Variants in NPR2 observed in about 807,000 individuals in gnomAD.
The protein encoded by NPR2 is natriuretic peptide receptor 2.
In NPR2, 49 loss-of-function variants were observed where a neutral mutation model predicts 120.7. The observed-to-expected ratio is 0.41, with a 90% CI of 0.32 to 0.52. The LOEUF (loss-of-function observed/expected upper bound fraction) is 0.52, where lower values mean the gene tolerates loss of function less well. Ranked by LOEUF, NPR2 falls within the 20% of genes least tolerant of loss-of-function variation. The pLI is 0.36. For synonymous variants in NPR2, 484 were observed against 519.8 expected, an observed-to-expected ratio of 0.93 and a Z score of 0.94; for missense variants, 931 against 1,362.9, an observed-to-expected ratio of 0.68 and a Z score of 4.99.
In NPR2 at chr9:35,801,908, T is replaced by C. The variant is rs766740858; in HGVS notation, c.1558-18T>C. On this transcript the variant is annotated intron_variant, in intron 8 of 21. Transcript: ENST00000342694. Reference sequence around the variant, plus strand: ...TGTTCCTTTCATCCTTCCGCCTCCATGTTGCCCTTGGCCCCAGCGGGGATC... The same window carrying C: ...TGTTCCTTTCATCCTTCCGCCTCCACGTTGCCCTTGGCCCCAGCGGGGATC... 56 of 1,613,628 alleles carry C rather than the reference T, an allele frequency of 3.5e-5. No homozygotes were observed. Among genetic ancestry groups the C allele is most frequent in the South Asian group, 1.8e-4 (16 of 91,080 alleles).
rs756198197 is a variant in NPR2 at position 35,809,561 on chromosome 9, CA to C, written c.*123del. 1.7e-5 allele frequency: 26 copies of C among 1,543,888 alleles called. No individual in the cohort carries two copies. The highest frequency in any genetic ancestry group is 2.7e-5 in the African/African-American group (2 of 73,382). Reference sequence around the variant, plus strand: ...TTTCATATGCAATGGAAAACAGCCACAAAAAAACCTACCTTATATGGAAGTT... The same window carrying C: ...TTTCATATGCAATGGAAAACAGCCACAAAAAACCTACCTTATATGGAAGTT... On this transcript the variant is annotated 3_prime_UTR_variant, in exon 22 of 22. Transcript: ENST00000342694. This position sits in a 1 kb window ranked among gnomAD's most constrained non-coding sequence, Gnocchi z 4.1.
At chr9:35,807,482 T>C in intron 18 of NPR2, 84 bp downstream of exon 18, 1 of 1,070,566 alleles carries the variant, frequency 9.3e-7, no homozygotes, top group Non-Finnish European at 1.5e-6. Flanking sequence ...CCCACACACC[T>C]TACCCACCCC....
chr9:35,808,721 T>A lies in NPR2; in HGVS notation c.2888-34T>A, dbSNP rs200268429. The A allele has an allele frequency of 3.5e-4, 565 of 1,612,550 alleles. 3 individuals carry two copies. Among genetic ancestry groups the A allele is most frequent in the Middle Eastern group, 1.2e-3 (7 of 6,058 alleles). On this transcript the variant is annotated intron_variant, in intron 19 of 21. Transcript: ENST00000342694. The surrounding 1 kb of genome is among the most constrained non-coding windows in gnomAD (Gnocchi z 4.0). ...CTCACTCCAGCCCTAGTCTCCACCTTTCCCAGACTCTCCCAACCTGTTTCT... is the reference window on the plus strand; with the variant it reads ...CTCACTCCAGCCCTAGTCTCCACCTATCCCAGACTCTCCCAACCTGTTTCT...
Position 35,793,014 on chromosome 9 carries a change from G to A in NPR2, c.606G>A (p.Val202=), listed in dbSNP as rs1827835370. The part of the protein sequence containing the change: ...QGSNLSVQHQ[V]YAREPGGPEQ... The stretch of plus-strand genomic sequence containing the variant: ...GCAACCTCAGTGTGCAGCACCAGGT[G>A]TATGCCCGAGAGCCAGGGGGCCCCG... The change falls in exon 1 of 22, where the codon GTG becomes GTA. Residue 202 remains valine, a synonymous_variant. Coordinates refer to ENST00000342694, the MANE Select transcript of NPR2 (RefSeq NM_003995.4). 8.1e-6 allele frequency: 13 copies of A among 1,610,750 alleles called. No individual in the cohort carries two copies. The highest frequency in any genetic ancestry group is 1.1e-5 in the Non-Finnish European group (13 of 1,178,274).
intron 8 of NPR2, 33 bp downstream of exon 8, chr9:35,801,796 C>T (rs1468861065): frequency 1.2e-6 from 2 of 1,613,896 alleles, no homozygotes; most frequent in African/African-American, 2.7e-5. Flanking sequence ...CCTCTGCCTC[C>T]CTCTGAGTTC....
intron 12 of NPR2, among the ~76,000 whole-genome samples, chr9:35,804,814 A>C (rs1441184545): frequency 1.6e-4 from 14 of 89,894 alleles, no homozygotes; most frequent in South Asian, 4.2e-4. Context: ...CGACCTGCCC[A>C]CCTCCCTCTA....
Position 35,806,442 on chromosome 9 carries a change from A to G in NPR2, c.2423A>G (p.Tyr808Cys). 1.2e-6 allele frequency: 2 copies of G among 1,614,098 alleles called. No individual in the cohort carries two copies. The highest frequency in any genetic ancestry group is 1.7e-6 in the Non-Finnish European group (2 of 1,179,902). Residue 808 changes from tyrosine (Y) to cysteine (C), a missense_variant, in exon 16 of 22, where the codon TAT (tyrosine) becomes TGT (cysteine). By Grantham distance (194) the Tyr-to-Cys change is radical. Coordinates refer to ENST00000342694, the MANE Select transcript of NPR2 (RefSeq NM_003995.4). This position sits in a 1 kb window ranked among gnomAD's most constrained non-coding sequence, Gnocchi z 4.6. ...LDNLLLRMEQ[Y>C]ANNLEKLVEE... is the part of the protein sequence containing the mutation. ...AACCTCCTGCTGCGCATGGAACAGT[A>G]TGCCAATAACTTGGAGAAGCTGGTG...
rs938193983 is a variant in NPR2 at position 35,791,740 on chromosome 9, A to G, written c.-669A>G. ...CGCCAGGGCCCAGGAGAAGCGGAGC[A>G]GAGAGGAGCGGGGACACGGGCGGGG... On this transcript the variant is annotated 5_prime_UTR_variant, in exon 1 of 22. Transcript: ENST00000342694. 5.9e-5 allele frequency among the ~76,000 whole-genome samples: 9 copies of G among 151,552 alleles called. No individual in the cohort carries two copies. The highest frequency in any genetic ancestry group is 1.9e-4 in the African/African-American group (8 of 41,260).
Position 35,800,573 on chromosome 9 carries a change from G to A in NPR2, c.1218+90G>A, listed in dbSNP as rs1343674195. 23 of 1,568,900 alleles carry A rather than the reference G, an allele frequency of 1.5e-5. No homozygotes were observed. The highest frequency in any genetic ancestry group is 1.8e-4 in the Middle Eastern group (1 of 5,644). On this transcript the variant is annotated intron_variant, in intron 5 of 21. Transcript: ENST00000342694. The surrounding 1 kb of genome is among the most constrained non-coding windows in gnomAD (Gnocchi z 4.7). ...CGGGGCAGAACCAAAACTACTAGAT[G>A]AGGGATTTGTTTTCTCTGCTGGCAC...
intron 2 of NPR2, 67 bp from the exon 3 acceptor site, chr9:35,799,551 G>C: frequency 8.7e-7 from 1 of 1,152,848 alleles, no homozygotes; most frequent in South Asian, 1.2e-5. Flanking sequence ...TCCCTGTCCT[G>C]CATCTTCTCT....
Position 35,809,169 on chromosome 9 carries a change from T to C in NPR2, c.3000T>C (p.His1000=), listed in dbSNP as rs1373218603. 8 of 1,613,826 alleles carry C rather than the reference T, an allele frequency of 5.0e-6. 1 individual carries two copies. Among genetic ancestry groups the C allele is most frequent in the East Asian group, 4.5e-5 (2 of 44,888 alleles). ...CACCCACCCCAGCGCTGAAGATCCA[T>C]GTCTCCTCTACCACCAAGGATGCCC... ...MESNGQALKI[H]VSSTTKDALD... Residue 1000 remains histidine, a synonymous_variant, in exon 21 of 22, where the codon CAT becomes CAC. Transcript: ENST00000342694. The surrounding 1 kb of genome is among the most constrained non-coding windows in gnomAD (Gnocchi z 4.1).
intron 2 of NPR2, among the ~76,000 whole-genome samples, chr9:35,796,792 G>A (rs1827957865): frequency 6.6e-6 from 1 of 152,194 alleles, no homozygotes; most frequent in Non-Finnish European, 1.5e-5. Flanking sequence ...TTCCAATGGG[G>A]AAGCAGGGGA....
intron 12 of NPR2, among the ~76,000 whole-genome samples, chr9:35,803,285 T>C (rs1828244560): frequency 1.5e-5 from 2 of 131,076 alleles, no homozygotes; most frequent in Non-Finnish European, 3.1e-5. Context: ...TTTGTATTTT[T>C]AGTAGAGACG....
chr9:35,793,854 G>T, intron 1 of NPR2, 44 bp from the exon 2 acceptor site: 1 of 1,597,026 alleles, frequency 6.3e-7, no homozygotes, highest in Non-Finnish European at 8.6e-7. Flanking sequence ...TGGGGGACCT[G>T]GATACCTTCT....
rs764072797 is a variant in NPR2 at position 35,794,023 on chromosome 9, G to A, written c.793G>A (p.Gly265Ser). Residue 265 changes from glycine to serine, a missense_variant, in exon 2 of 22, where the codon GGC becomes AGC. Gly to Ser is a moderately conservative substitution (Grantham distance 56). Around this residue, in one of 3 missense-constraint regions of NPR2, gnomAD observed 681 missense variants for 974.3 expected, o/e 0.70. Coordinates refer to ENST00000342694, the MANE Select transcript of NPR2 (RefSeq NM_003995.4). The part of the protein sequence containing the change: ...LDVFGESLRA[G>S]PTRATGRPWQ... ...TGTCTTTGGGGAGAGTCTCCGTGCA[G>A]GCCCCACACGTGCTACAGGCCGGCC... 1 of 1,614,234 alleles carries A rather than the reference G, an allele frequency of 6.2e-7. No individual in the cohort carries two copies. Among genetic ancestry groups the A allele is most frequent in the South Asian group, 1.1e-5 (1 of 91,090 alleles).
Position 35,800,804 on chromosome 9 carries a change from CT to C in NPR2, c.1315del (p.Cys439ValfsTer38). On this transcript the variant is annotated frameshift_variant, in exon 6 of 22. Coordinates refer to ENST00000342694, the MANE Select transcript of NPR2 (RefSeq NM_003995.4). LOFTEE classifies it high-confidence loss of function. The surrounding 1 kb of genome is among the most constrained non-coding windows in gnomAD (Gnocchi z 4.7). Reference protein sequence around the residue: ...KGAPPSDNPPCAFDLDDPSCD... With the variant: ...KGAPPSDNPPXAFDLDDPSCD... ...GGGCTCCTCCCTCGGACAATCCCCC[CT>C]GTGCCTTTGACTTGGACGACCCATC... The C allele has an allele frequency of 6.2e-7, 1 of 1,614,180 alleles. No individual in the cohort carries two copies. Among genetic ancestry groups the C allele is most frequent in the Non-Finnish European group, 8.5e-7 (1 of 1,180,030 alleles).
rs142436207 is a variant in NPR2, at chr9:35,792,966, C to A, written c.558C>A (p.Gly186=). 1.2e-6 allele frequency: 2 copies of A among 1,613,740 alleles called. No individual in the cohort carries two copies. Among genetic ancestry groups the A allele is most frequent in the Non-Finnish European group, 1.7e-6 (2 of 1,180,014 alleles). The change falls in exon 1 of 22, where the codon GGC becomes GGA. Residue 186 remains glycine (G), a synonymous_variant. Coordinates refer to ENST00000342694, the MANE Select transcript of NPR2 (RefSeq NM_003995.4). ...DDRPHYFTIE[G]VFEALQGSNL... is the part of the protein sequence containing the mutation. ...GGCCTCACTACTTCACCATCGAGGGCGTCTTTGAGGCCCTGCAGGGCAGCA... is the reference window on the plus strand; with the variant it reads ...GGCCTCACTACTTCACCATCGAGGGAGTCTTTGAGGCCCTGCAGGGCAGCA...
rs748606293 is a variant in NPR2 at position 35,808,552 on chromosome 9, C to T, written c.2756C>T (p.Pro919Leu). The T allele has an allele frequency of 1.2e-6, 2 of 1,614,034 alleles. No homozygotes were observed. Among genetic ancestry groups the T allele is most frequent in the Non-Finnish European group, 1.7e-6 (2 of 1,180,052 alleles). The change falls in exon 19 of 22, where the codon CCA becomes CTA. Residue 919 changes from proline to leucine, a missense_variant. Physicochemically the swap from Pro to Leu is moderately conservative, Grantham distance 98. Coordinates refer to ENST00000342694, the MANE Select transcript of NPR2 (RefSeq NM_003995.4). The surrounding 1 kb of genome is among the most constrained non-coding windows in gnomAD (Gnocchi z 4.0). ...GDAYMVVSGL[P>L]GRNGQRHAPE... is the part of the protein sequence containing the mutation. ...GCTTACATGGTGGTATCTGGCCTCCCAGGCCGAAATGGTCAACGCCATGCA... is the reference window on the plus strand; with the variant it reads ...GCTTACATGGTGGTATCTGGCCTCCTAGGCCGAAATGGTCAACGCCATGCA...
At position 35,802,102 on chromosome 9, in the gene NPR2, T is replaced by A; in HGVS notation, c.1632+102T>A. The A allele has an allele frequency of 7.5e-7, 1 of 1,330,526 alleles. No homozygotes were observed. Among genetic ancestry groups the A allele is most frequent in the Admixed American group, 1.7e-5 (1 of 59,626 alleles). The allele number at this position is 1,330,526 out of a possible 1,614,324, so 82.4% of individuals were successfully genotyped here. A position where few individuals can be genotyped will look rare whatever the true frequency, so the allele number is the denominator to read the frequency against. On this transcript the variant is annotated intron_variant, in intron 9 of 21. Coordinates refer to ENST00000342694, the MANE Select transcript of NPR2 (RefSeq NM_003995.4). The surrounding 1 kb of genome is among the most constrained non-coding windows in gnomAD (Gnocchi z 4.2). ...CCTCTGTCCCTCATACCCGACTCTCTGTGCCCAGCTGAGCTCCTGGGTGCT... is the reference window on the plus strand; with the variant it reads ...CCTCTGTCCCTCATACCCGACTCTCAGTGCCCAGCTGAGCTCCTGGGTGCT...
Sources: gnomAD v4.1 joint callset for allele counts (sites outside exome capture counted in the v4.1 genomes callset) on GRCh38, gnomAD v4.1.1 for gene constraint, gnomAD v4.1.1 regional missense constraint, Gnocchi (gnomAD v3.1) non-coding constraint, MANE v1.5 for transcripts, NCBI Gene and HGNC (gene_info 2026-07-23, HGNC 2026-07-21) for gene names.